KMT2D: variants seen among roughly 807,000 people sequenced by gnomAD.
KMT2D encodes lysine methyltransferase 2D.
A neutral mutation model predicts 512.7 loss-of-function variants in KMT2D; 55 were observed. The ratio of observed to expected loss-of-function variants is 0.11; its 90% CI spans 0.09 to 0.13. The LOEUF (loss-of-function observed/expected upper bound fraction) is 0.13, where lower values mean the gene tolerates loss of function less well. Among genes scored for constraint, KMT2D ranks in the 10% least tolerant of loss-of-function variants. The pLI, the probability that KMT2D is intolerant of heterozygous loss-of-function variation, is 1.00. For synonymous variants in KMT2D, 2,995 were observed against 2,904.0 expected (o/e 1.03, Z -1.01); for missense variants, 6,061 against 7,127.9 (o/e 0.85, Z 5.39).
chr12:49,053,365 T>C, intron 7 of KMT2D, 44 bp from the exon 8 acceptor site: 3 of 1,601,232 alleles, frequency 1.9e-6, no homozygotes, highest in Non-Finnish European at 2.6e-6. Context: ...TCTGCCCTCA[T>C]TTCCTTTCTT....
At chr12:49,034,736 C>G (rs2120458952) in intron 36 of KMT2D, 70 bp from the exon 37 acceptor site, 1 of 1,606,436 alleles carries the variant, frequency 6.2e-7, no homozygotes, top group Non-Finnish European at 8.5e-7. Context: ...AGACGTGGGA[C>G]AAGTAGGGAG....
rs2120683579 is a variant in KMT2D at position 49,052,234 on chromosome 12, C to T, written c.1449G>A (p.Leu483=). The change falls in exon 11 of 55, where the codon TTG becomes TTA. Residue 483 remains leucine, a synonymous_variant. Transcript: ENST00000301067. The part of the protein sequence containing the change: ...ELPASPLPEA[L]HLSRPLEESP... The stretch of plus-strand genomic sequence containing the variant: ...ATTCCTCCAGCGGCCGGGACAGGTG[C>T]AATGCCTCAGGAAGTGGGGATGCGG... The T allele has an allele frequency of 1.2e-6, 2 of 1,603,814 alleles. No individual in the cohort carries two copies. The highest frequency in any genetic ancestry group is 1.7e-6 in the Non-Finnish European group (2 of 1,176,306).
Position 49,031,938 on chromosome 12 carries a change from A to T in KMT2D, c.12767T>A (p.Leu4256His). The stretch of plus-strand genomic sequence containing the variant: ...CCCAAGTTGAGGTTGGCAGCCCAGG[A>T]GGCCCTGGAGGGGAGAGGTCTGGGT... ...PGTQTSPLQG[L>H]LGCQPQLGGF... The change falls in exon 40 of 55, where the codon CTC becomes CAC. Residue 4256 changes from leucine (L) to histidine (H), a missense_variant. By Grantham distance (99) the Leu-to-His change is moderately conservative. Coordinates refer to ENST00000301067, the MANE Select transcript of KMT2D (RefSeq NM_003482.4). The T allele has an allele frequency of 6.5e-7, 1 of 1,542,142 alleles. No homozygotes were observed.
Position 49,044,379 on chromosome 12 carries a change from C to G in KMT2D, c.5083+24G>C, listed in dbSNP as rs376634025. On this transcript the variant is annotated intron_variant, in intron 21 of 54. Coordinates refer to ENST00000301067, the MANE Select transcript of KMT2D (RefSeq NM_003482.4). This position sits in a 1 kb window ranked among gnomAD's most constrained non-coding sequence, Gnocchi z 6.4. ...GCTGCCCCGCACCACCCCACCACCC[C>G]ACAACCCCATCCCAGGACCTCACCA... is the stretch of plus-strand genomic sequence containing the variant. 20 of 1,613,828 alleles carry G rather than the reference C, an allele frequency of 1.2e-5. No homozygotes were observed. In the African/African-American group the frequency reaches 2.5e-4, roughly 20 times the overall value.
In KMT2D at chr12:49,031,396, C is replaced by T. The variant is rs943166162; in HGVS notation, c.13309G>A (p.Gly4437Arg). 6.2e-7 allele frequency: 1 copy of T among 1,613,564 alleles called. No individual in the cohort carries two copies. The highest frequency in any genetic ancestry group is 8.5e-7 in the Non-Finnish European group (1 of 1,179,898). The change falls in exon 40 of 55, where the codon GGG (glycine) becomes AGG (arginine). Residue 4437 changes from glycine (G) to arginine (R), a missense_variant. Gly to Arg is a moderately radical substitution (Grantham distance 125). Transcript: ENST00000301067. The stretch of plus-strand genomic sequence containing the variant: ...GTTCCTGGTGCCCCTATTGGCTCCC[C>T]ATTGGCCTCCCTCTTCACTGACTGG... ...GAQSVKREAN[G>R]EPIGAPGTSN...
chr12:49,051,483 G>A lies in KMT2D; in HGVS notation c.2200C>T (p.Leu734Phe), dbSNP rs760375425. ...TGCGGCCCCTCGGACCGGGGGCAGA[G>A]TTGCGGCTCCTCAGGTAGTGGCAAC... ...PLLPLPEEPQLCPRSEGPHLS... is the reference protein window; with the variant it reads ...PLLPLPEEPQFCPRSEGPHLS... Residue 734 changes from leucine to phenylalanine, a missense_variant, in exon 11 of 55, where the codon CTC becomes TTC. By Grantham distance (22) the Leu-to-Phe change is conservative. Around this residue, in one of 16 missense-constraint regions of KMT2D, gnomAD observed 848 missense variants for 838.5 expected, o/e 1.01. Coordinates refer to ENST00000301067, the MANE Select transcript of KMT2D (RefSeq NM_003482.4). The A allele has an allele frequency of 6.2e-7, 1 of 1,613,646 alleles. No homozygotes were observed. Among genetic ancestry groups the A allele is most frequent in the Non-Finnish European group, 8.5e-7 (1 of 1,179,734 alleles).
chr12:49,037,499 A>G lies in KMT2D; in HGVS notation c.9857T>C (p.Leu3286Pro). ...GGCCTGGGCAGGGCCTGGTGCAGACAGTAGGGAATGCTGCTGCTGCTGTTG... is the reference window on the plus strand; with the variant it reads ...GGCCTGGGCAGGGCCTGGTGCAGACGGTAGGGAATGCTGCTGCTGCTGTTG... ...QQQQQQQHSL[L>P]SAPGPAQAMS... Residue 3286 changes from leucine to proline, a missense_variant, in exon 35 of 55, where the codon CTG becomes CCG. By Grantham distance (98) the Leu-to-Pro change is moderately conservative. This residue lies in a region of KMT2D where 533 missense variants were observed against 539.6 expected (regional missense o/e 0.99). Transcript: ENST00000301067. The G allele has an allele frequency of 1.9e-6, 3 of 1,558,336 alleles. No homozygotes were observed. Among genetic ancestry groups the G allele is most frequent in the Non-Finnish European group, 1.7e-6 (2 of 1,150,954 alleles).
Position 49,055,011 on chromosome 12 carries a change from G to A in KMT2D, c.65C>T (p.Ala22Val), listed in dbSNP as rs1347059574. ...CTCAGTGGCACTTGGGTCCTCAGAAGCTGCAGGTCCATCAGCTGAATAAAC... is the reference window on the plus strand; with the variant it reads ...CTCAGTGGCACTTGGGTCCTCAGAAACTGCAGGTCCATCAGCTGAATAAAC... Reference protein sequence around the residue: ...DSEPAADGPAASEDPSATESD... With the variant: ...DSEPAADGPAVSEDPSATESD... The change falls in exon 3 of 55, where the codon GCT becomes GTT. Residue 22 changes from alanine (A) to valine (V), a missense_variant. Around this residue, in one of 16 missense-constraint regions of KMT2D, gnomAD observed 144 missense variants for 165.7 expected, o/e 0.87. Coordinates refer to ENST00000301067, the MANE Select transcript of KMT2D (RefSeq NM_003482.4). 5 of 1,613,976 alleles carry A rather than the reference G, an allele frequency of 3.1e-6. No individual in the cohort carries two copies. The Admixed American group carries it at 8.3e-5, about 27-fold the overall frequency.
In KMT2D at chr12:49,050,895, T is replaced by G; in HGVS notation, c.2788A>C (p.Met930Leu). ...SGEPSLSPQL[M>L]PPDPLPPPLS... Reference sequence around the variant, plus strand: ...ACTAACATCCCCTTACCTGGTGGCATCAGCTGAGGCGACAAGGATGGCTCC... The same window carrying G: ...ACTAACATCCCCTTACCTGGTGGCAGCAGCTGAGGCGACAAGGATGGCTCC... The change falls in exon 11 of 55, where the codon ATG becomes CTG. Residue 930 changes from methionine (M) to leucine (L), a missense_variant. Around this residue, in one of 16 missense-constraint regions of KMT2D, gnomAD observed 848 missense variants for 838.5 expected, o/e 1.01. Transcript: ENST00000301067. 1 of 1,536,110 alleles carries G rather than the reference T, an allele frequency of 6.5e-7. No homozygotes were observed. The highest frequency in any genetic ancestry group is 8.8e-7 in the Non-Finnish European group (1 of 1,139,292).
In KMT2D at chr12:49,024,569, C is replaced by G; in HGVS notation, c.16052+9G>C. 5 of 1,600,530 alleles carry G rather than the reference C, an allele frequency of 3.1e-6. No individual in the cohort carries two copies. Among genetic ancestry groups the G allele is most frequent in the Non-Finnish European group, 4.3e-6 (5 of 1,171,228 alleles). ...CCCACATCCCTTGGCTCCAGCATCACAAGCTCACCGTTTGTAGTGTGTGAG... is the reference window on the plus strand; with the variant it reads ...CCCACATCCCTTGGCTCCAGCATCAGAAGCTCACCGTTTGTAGTGTGTGAG... On this transcript the variant is annotated intron_variant, in intron 51 of 54. Transcript: ENST00000301067. This position sits in a 1 kb window ranked among gnomAD's most constrained non-coding sequence, Gnocchi z 4.5.
chr12:49,038,797 C>T lies in KMT2D; in HGVS notation c.8559G>A (p.Pro2853=), dbSNP rs375344889. The T allele has an allele frequency of 2.9e-4, 456 of 1,585,066 alleles. No homozygotes were observed. Among genetic ancestry groups the T allele is most frequent in the East Asian group, 5.8e-4 (25 of 43,340 alleles). ...PELGRQALGS[P]LAGISTRLPG... ...GCAGACGGGTGGAAATTCCCGCCAA[C>T]GGGGAACCTAGGGCTTGGCGGCCAA... Residue 2853 remains proline, a synonymous_variant, in exon 35 of 55, where the codon CCG becomes CCA. Transcript: ENST00000301067. The surrounding 1 kb of genome is among the most constrained non-coding windows in gnomAD (Gnocchi z 5.7).
intron 37 of KMT2D, 35 bp from the exon 38 acceptor site, chr12:49,034,511 C>T: frequency 6.2e-7 from 1 of 1,612,306 alleles, no homozygotes; most frequent in Non-Finnish European, 8.5e-7. Flanking sequence ...GGTCATTGTT[C>T]CCTGCTAGGC....
Position 49,043,985 on chromosome 12 carries a change from G to A in KMT2D, c.5202C>T (p.Asp1734=), listed in dbSNP as rs377753965. The A allele has an allele frequency of 3.3e-5, 53 of 1,613,914 alleles. No individual in the cohort carries two copies. The African/African-American group carries it at 5.7e-4, about 17-fold the overall frequency. ...DGQPDEVIPA[D]LPAEGAVEQS... ...GCTCCACGGCGCCCTCTGCAGGCAG[G>A]TCAGCAGGTATCACTGTGGACAGAA... The change falls in exon 23 of 55, where the codon GAC becomes GAT. Residue 1734 remains aspartate, a synonymous_variant. Transcript: ENST00000301067.
At position 49,051,267 on chromosome 12, in the gene KMT2D, G is replaced by A. The variant is rs1937978406; in HGVS notation, c.2416C>T (p.Leu806=). 6.5e-7 allele frequency: 1 copy of A among 1,543,830 alleles called. No homozygotes were observed. The highest frequency in any genetic ancestry group is 8.7e-7 in the Non-Finnish European group (1 of 1,144,762). The part of the protein sequence containing the change: ...HLSPQPEELH[L]SPQTEEPHLS... ...TGCGGCTCCTCAGTCTGGGGGGACAGGTGCAATTCCTCAGGCTGAGGGGAC... is the reference window on the plus strand; with the variant it reads ...TGCGGCTCCTCAGTCTGGGGGGACAAGTGCAATTCCTCAGGCTGAGGGGAC... Residue 806 remains leucine (L), a synonymous_variant, in exon 11 of 55, where the codon CTG becomes TTG. Coordinates refer to ENST00000301067, the MANE Select transcript of KMT2D (RefSeq NM_003482.4).
chr12:49,052,775 TG>T (rs2120690502), intron 9 of KMT2D, 66 bp from the exon 10 acceptor site: 1 of 1,592,580 alleles, frequency 6.3e-7, no homozygotes, highest in Non-Finnish European at 8.6e-7. Context: ...GAGAGCACAC[TG>T]GGGGGAGGCA....
Position 49,040,079 on chromosome 12 carries a change from CTGT to C in KMT2D, c.7688_7690del (p.Asn2563del). 6.2e-7 allele frequency: 1 copy of C among 1,613,948 alleles called. No homozygotes were observed. ...CAAGGTGGGGCCGGGCCCAAAATGG[CTGT>C]TGATCCCATGGGGTGGCGGGAGACC... On this transcript the variant is annotated inframe_deletion, in exon 32 of 55. Coordinates refer to ENST00000301067, the MANE Select transcript of KMT2D (RefSeq NM_003482.4).
In KMT2D at chr12:49,032,650, G is replaced by A; in HGVS notation, c.12055C>T (p.Leu4019Phe). The stretch of plus-strand genomic sequence containing the variant: ...TTTTGTTCCTTGCCCGTCAGGAGGA[G>A]GGTTGGACCCAGGGCTCCAGGGCTA... The part of the protein sequence containing the change: ...FSSPGALGPT[L>F]LLTGKEQNTV... The change falls in exon 40 of 55, where the codon CTC (leucine) becomes TTC (phenylalanine). Residue 4019 changes from leucine to phenylalanine, a missense_variant. Transcript: ENST00000301067. 1 of 1,613,950 alleles carries A rather than the reference G, an allele frequency of 6.2e-7. No homozygotes were observed. Among genetic ancestry groups the A allele is most frequent in the South Asian group, 1.1e-5 (1 of 91,074 alleles).
intron 19 of KMT2D, 150 bp from the exon 20 acceptor site, chr12:49,045,115 G>A (rs1943725769): frequency 2.9e-6 from 2 of 701,024 alleles, no homozygotes; most frequent in African/African-American, 1.8e-5. Flanking sequence ...GCCACCAAGG[G>A]GCACTGGCTG....
Position 49,052,357 on chromosome 12 carries a change from GGGCAGCAGT to G in KMT2D, c.1317_1325del (p.Leu440_Pro442del), listed in dbSNP as rs765230432. On this transcript the variant is annotated inframe_deletion, in exon 11 of 55. Transcript: ENST00000301067. ...GGGACAGGGGTGACTCCTCAGGTGG[GGGCAGCAGT>G]GGCATCTCCTCGTTTAGGGGGGCCT... The G allele has an allele frequency of 7.1e-6, 11 of 1,546,870 alleles. No homozygotes were observed. The African/African-American group carries it at 1.5e-4, about 21-fold the overall frequency.
Sources: allele counts gnomAD v4.1 joint callset, GRCh38; gene constraint gnomAD v4.1.1; regional missense constraint gnomAD v4.1.1; non-coding constraint Gnocchi (gnomAD v3.1); transcripts MANE v1.5; gene names NCBI Gene and HGNC (gene_info 2026-07-23, HGNC 2026-07-21).